SHANK2: variants seen among roughly 807,000 people sequenced by gnomAD.
SHANK2 encodes the protein SH3 and multiple ankyrin repeat domains protein 2.
Under a neutral mutation model 133.7 loss-of-function variants are expected in SHANK2, and 43 were observed. That is an observed-to-expected ratio of 0.32 (90% CI 0.25 to 0.41). SHANK2 has a LOEUF of 0.41. Ranked by LOEUF, SHANK2 falls within the 10% of genes least tolerant of loss-of-function variation. SHANK2 has a pLI of 1.00. For missense variants in SHANK2, 1,994 were observed against 2,235.8 expected (o/e 0.89, Z 2.18); for synonymous variants, 1,017 against 952.8 (o/e 1.07, Z -1.24).
At chr11:70,578,532 T>C (rs1208327475) in intron 17 of SHANK2, among the ~76,000 whole-genome samples, 2 of 152,082 alleles carry the variant, frequency 1.3e-5, no homozygotes, top group Non-Finnish European at 2.9e-5. Context: ...GAGGCCCACA[T>C]CCTTCATTTG....
chr11:70,599,384 G>A (rs1565165215), intron 17 of SHANK2, among the ~76,000 whole-genome samples: 1 of 150,120 alleles, frequency 6.7e-6, no homozygotes, highest in African/African-American at 2.4e-5. Context: ...GAGGCGGGCG[G>A]ATCATGAGGT....
intron 14 of SHANK2, among the ~76,000 whole-genome samples, chr11:70,781,584 T>TATATATATATATATATATATATATA (rs1565311807): frequency 1.4e-4 from 2 of 14,502 alleles, no homozygotes; most frequent in Non-Finnish European, 3.5e-4. Flanking sequence ...ATATATATAT[T>TATATATATATATATATATATATATA]TACTTATTTA....
chr11:70,680,428 G>A (rs554101587), intron 15 of SHANK2, among the ~76,000 whole-genome samples: 1 of 152,116 alleles, frequency 6.6e-6, no homozygotes, highest in African/African-American at 2.4e-5. Flanking sequence ...CTGGTTTCTA[G>A]TGGCCACCAC....
chr11:70,883,044 G>A lies in SHANK2; in HGVS notation c.1174+13457C>T, dbSNP rs531365766. 5.9e-5 allele frequency among the ~76,000 whole-genome samples: 9 copies of A among 152,254 alleles called. No individual in the cohort carries two copies. The South Asian group carries it at 1.9e-3, about 32-fold the overall frequency. ...TGGGCAGCCTTAGCAGGAGTGAAGG[G>A]GCGGCTCCGGAGTCAGGGCTGTCGG... On this transcript the variant is annotated intron_variant, in intron 11 of 25. Coordinates refer to ENST00000601538, the MANE Select transcript of SHANK2 (RefSeq NM_012309.5).
At chr11:71,246,199 C>T (rs1954958307) in intron 1 of SHANK2, among the ~76,000 whole-genome samples, 3 of 152,040 alleles carry the variant, frequency 2.0e-5, no homozygotes, top group Admixed American at 6.5e-5. Context: ...GTCTGGAAAC[C>T]CAGGATGCCC....
At chr11:70,636,692 T>G (rs1353703370) in intron 17 of SHANK2, among the ~76,000 whole-genome samples, 5 of 123,442 alleles carry the variant, frequency 4.1e-5, no homozygotes, top group African/African-American at 1.4e-4. Context: ...TGTGTATGTG[T>G]AAGCACGTGT....
Position 71,109,982 on chromosome 11 carries a change from T to A in SHANK2, c.551A>T (p.Asp184Val). The A allele has an allele frequency of 6.4e-7, 1 of 1,551,724 alleles. No homozygotes were observed. The highest frequency in any genetic ancestry group is 8.7e-7 in the Non-Finnish European group (1 of 1,146,980). Reference protein sequence around the residue: ...RLVEKITKMLDRGLDPNFHDP... With the variant: ...RLVEKITKMLVRGLDPNFHDP... ...GTGGAAATTGGGATCCAGGCCTCGG[T>A]CCAGCATCTTGGTGATCTTCTCCAC... is the stretch of plus-strand genomic sequence containing the variant. Residue 184 changes from aspartate to valine, a missense_variant, in exon 6 of 26, where the codon GAC (aspartate) becomes GTC (valine). This residue lies in a region of SHANK2 where 653 missense variants were observed against 563.4 expected (regional missense o/e 1.16). Coordinates refer to ENST00000601538, the MANE Select transcript of SHANK2 (RefSeq NM_012309.5).
At chr11:71,127,899 G>C (rs1159147989) in intron 3 of SHANK2, among the ~76,000 whole-genome samples, 1 of 152,168 alleles carries the variant, frequency 6.6e-6, no homozygotes, top group Non-Finnish European at 1.5e-5. Context: ...TATTCCCTTT[G>C]TTCAGACCTT....
At chr11:70,862,777 G>A (rs1949282086) in intron 11 of SHANK2, 4 of 286,124 alleles carry the variant, frequency 1.4e-5, no homozygotes, top group South Asian at 8.9e-5. Flanking sequence ...CTTGGTTTTG[G>A]ACACATTGCA....
intron 2 of SHANK2, among the ~76,000 whole-genome samples, chr11:71,217,681 G>A (rs1954441364): frequency 6.6e-6 from 1 of 152,104 alleles, no homozygotes. Flanking sequence ...ACCCCGCGTA[G>A]GCCAAGGCTA....
chr11:70,914,415 A>G (rs1328322810), intron 10 of SHANK2, among the ~76,000 whole-genome samples: 3 of 152,008 alleles, frequency 2.0e-5, no homozygotes, highest in Non-Finnish European at 4.4e-5. Context: ...CCACCTGTCC[A>G]TGCTGGGGCC....
At chr11:71,183,148 G>A (rs760472455) in intron 2 of SHANK2, among the ~76,000 whole-genome samples, 103 of 152,250 alleles carry the variant, frequency 6.8e-4, no homozygotes, top group Non-Finnish European at 9.6e-4. Flanking sequence ...AGGCTTTCTG[G>A]AAGGCGAAAT....
rs538000834 is a variant in SHANK2, at chr11:70,816,757, C to T, written c.1493+3607G>A. 4.6e-5 allele frequency among the ~76,000 whole-genome samples: 7 copies of T among 152,290 alleles called. No individual in the cohort carries two copies. The East Asian group carries it at 9.7e-4, about 21-fold the overall frequency. On this transcript the variant is annotated intron_variant, in intron 12 of 25. Coordinates refer to ENST00000601538, the MANE Select transcript of SHANK2 (RefSeq NM_012309.5). The stretch of plus-strand genomic sequence containing the variant: ...ACCATCCAGCATCACCAGGGCTGGC[C>T]GAATGAGCGTTTCCCTATCTCAATA...
At chr11:71,092,382 G>A (rs782724545) in intron 8 of SHANK2, 40 bp downstream of exon 8, 1 of 1,549,504 alleles carries the variant, frequency 6.5e-7, no homozygotes, top group South Asian at 1.2e-5. Flanking sequence ...GGGGAAGTCA[G>A]TTCGTGGGTA....
chr11:70,715,722 G>A (rs1172307252), intron 14 of SHANK2, among the ~76,000 whole-genome samples: 2 of 152,250 alleles, frequency 1.3e-5, no homozygotes, highest in Non-Finnish European at 2.9e-5. Context: ...TGCATTTGCT[G>A]ATGAGCTCGG....
chr11:70,599,905 G>GAAAGAAAAAGAAAGAAAGAGAAAGAA (rs1466206835), intron 17 of SHANK2, among the ~76,000 whole-genome samples: 23 of 73,762 alleles, frequency 3.1e-4, no homozygotes, highest in East Asian at 2.7e-3. Flanking sequence ...AAGAAAGAAA[G>GAAAGAAAAAGAAAGAAAGAGAAAGAA]AGAAAGAAAG....
intron 5 of SHANK2, among the ~76,000 whole-genome samples, chr11:71,112,247 G>T (rs1190851889): frequency 3.9e-5 from 6 of 152,144 alleles, no homozygotes; most frequent in Non-Finnish European, 4.4e-5. Flanking sequence ...TACAAAATTA[G>T]CCAGGCATGG....
intron 2 of SHANK2, among the ~76,000 whole-genome samples, chr11:71,160,224 T>A (rs189180055): frequency 1.1e-4 from 17 of 152,236 alleles, no homozygotes; most frequent in African/African-American, 4.1e-4. Context: ...GAATGCAAAG[T>A]GGGACTGCTC....
chr11:70,484,768 A>C (rs1434972631), intron 25 of SHANK2, among the ~76,000 whole-genome samples: 1 of 152,212 alleles, frequency 6.6e-6, no homozygotes, highest in Non-Finnish European at 1.5e-5. Context: ...GCAGGGAAGA[A>C]TGTACTGCAC....
Sources: gnomAD v4.1 joint callset for allele counts (sites outside exome capture counted in the v4.1 genomes callset) on GRCh38, gnomAD v4.1.1 for gene constraint, gnomAD v4.1.1 regional missense constraint, MANE v1.5 for transcripts, NCBI Gene and HGNC (gene_info 2026-07-23, HGNC 2026-07-21) for gene names.